The following SETD2 variants were observed in gnomAD, a reference collection of about 807,000 sequenced individuals.
SETD2 encodes SET domain containing 2, histone lysine methyltransferase.
In SETD2, 31 loss-of-function variants were observed where a neutral mutation model predicts 242.1. That is an observed-to-expected ratio of 0.13 (90% CI 0.10 to 0.17). The LOEUF (loss-of-function observed/expected upper bound fraction) is 0.17. Among genes scored for constraint, SETD2 ranks in the 10% least tolerant of loss-of-function variants. SETD2 has a pLI of 1.00. For synonymous variants in SETD2, 1,006 were observed against 1,066.5 expected (o/e 0.94, Z 1.11); for missense variants, 2,481 against 3,046.3 (o/e 0.81, Z 4.37).
In SETD2 at chr3:47,122,572, AGTGCAAAAT is replaced by A; in HGVS notation, c.2055_2063del (p.Phe686_Thr688del). Reference sequence around the variant, plus strand: ...TCATTAAAACAGCATCAGTTTTAGAAGTGCAAAATGTTGCCAAATCAGATTCTGCCCCAG... The same window carrying A: ...TCATTAAAACAGCATCAGTTTTAGAAGTTGCCAAATCAGATTCTGCCCCAG... On this transcript the variant is annotated inframe_deletion, in exon 3 of 21. Coordinates refer to ENST00000409792, the MANE Select transcript of SETD2 (RefSeq NM_014159.7). 1.2e-6 allele frequency: 2 copies of A among 1,614,170 alleles called. No individual in the cohort carries two copies. Among genetic ancestry groups the A allele is most frequent in the Non-Finnish European group, 1.7e-6 (2 of 1,180,012 alleles).
chr3:47,157,014 T>C (rs1159453939), intron 1 of SETD2, among the ~76,000 whole-genome samples: 3 of 151,664 alleles, frequency 2.0e-5, no homozygotes, highest in African/African-American at 7.3e-5. Flanking sequence ...ACGACTATAA[T>C]CCCAGCACTT....
Position 47,017,392 on chromosome 3 carries a change from G to T in SETD2, c.7534-138C>A. ...ACAGGAAGTTAATAAGGGGGTAGAT[G>T]TTGGGGCAGGCTGGTGCTATGATCA... On this transcript the variant is annotated intron_variant, in intron 20 of 20. Coordinates refer to ENST00000409792, the MANE Select transcript of SETD2 (RefSeq NM_014159.7). The surrounding 1 kb of genome is among the most constrained non-coding windows in gnomAD (Gnocchi z 4.8). 2.2e-6 allele frequency: 2 copies of T among 921,066 alleles called. No individual in the cohort carries two copies. Among genetic ancestry groups the T allele is most frequent in the Middle Eastern group, 2.8e-4 (1 of 3,624 alleles). 57.1% of individuals were successfully genotyped at this position (921,066 alleles called of 1,614,324 possible).
chr3:47,151,428 G>A (rs1282640523), intron 1 of SETD2, among the ~76,000 whole-genome samples: 1 of 152,076 alleles, frequency 6.6e-6, no homozygotes, highest in Admixed American at 6.6e-5. Context: ...AAAGCACACA[G>A]CTAACAAAAA....
intron 15 of SETD2, 56 bp downstream of exon 15, chr3:47,056,765 C>A: frequency 7.0e-7 from 1 of 1,430,658 alleles, no homozygotes; most frequent in Non-Finnish European, 9.7e-7. Flanking sequence ...CCAGATTTAA[C>A]TAACATCCCA....
intron 18 of SETD2, among the ~76,000 whole-genome samples, chr3:47,023,636 G>A (rs1164487285): frequency 1.3e-5 from 2 of 151,916 alleles, no homozygotes; most frequent in African/African-American, 2.4e-5. Context: ...TGCATCTGTA[G>A]GCCAGCCATG....
rs535446525 is a variant in SETD2, at chr3:47,057,238, A to G, written c.6546T>C (p.Pro2182=). 6.2e-7 allele frequency: 1 copy of G among 1,614,228 alleles called. No homozygotes were observed. The highest frequency in any genetic ancestry group is 1.7e-5 in the Admixed American group (1 of 60,022). ...TGGGCAGGAGCACCTTTCCAGCATT[A>G]GGGTTGCTGGGATCCACATAGGCCT... ...PMQAYVDPSN[P]NAGKVLLPTP... The change falls in exon 15 of 21, where the codon CCT becomes CCC. Residue 2182 remains proline (P), a synonymous_variant. Coordinates refer to ENST00000409792, the MANE Select transcript of SETD2 (RefSeq NM_014159.7).
intron 18 of SETD2, among the ~76,000 whole-genome samples, chr3:47,032,394 G>A (rs2038810576): frequency 6.6e-6 from 1 of 152,020 alleles, no homozygotes; most frequent in Non-Finnish European, 1.5e-5. Context: ...TAAGACGGGA[G>A]GATCATCTGA....
intron 1 of SETD2, among the ~76,000 whole-genome samples, chr3:47,148,146 T>G (rs2043905184): frequency 6.8e-6 from 1 of 147,478 alleles, no homozygotes; most frequent in Admixed American, 6.8e-5. Context: ...TGTTGTTGTT[T>G]TTGATAAAGC....
chr3:47,133,149 G>C lies in SETD2; in HGVS notation c.72-6486C>G, dbSNP rs560825019. On this transcript the variant is annotated intron_variant, in intron 1 of 20. Coordinates refer to ENST00000409792, the MANE Select transcript of SETD2 (RefSeq NM_014159.7). ...AAACAAAGAATGACAAAACAAATGT[G>C]GTAAAATGTTCTTATCTCGGGAATC... is the stretch of plus-strand genomic sequence containing the variant. Among the ~76,000 whole-genome samples, 107 of 152,060 alleles carry C rather than the reference G, an allele frequency of 7.0e-4. 1 individual carries two copies. The South Asian group carries it at 0.022, about 31-fold the overall frequency.
chr3:47,098,263 TATTC>T (rs2042081509), intron 8 of SETD2, 182 bp from the exon 9 acceptor site: 1 of 428,480 alleles, frequency 2.3e-6, no homozygotes, highest in Non-Finnish European at 4.0e-6. Context: ...TCTTTAAAAA[TATTC>T]ATTATTTTTC....
intron 7 of SETD2, among the ~76,000 whole-genome samples, chr3:47,102,170 G>A (rs1213771824): frequency 6.6e-6 from 1 of 152,184 alleles, no homozygotes; most frequent in Non-Finnish European, 1.5e-5. Context: ...GTCAAGGACT[G>A]AGGAGCTCTG....
chr3:47,062,369 TTG>T (rs370020983), intron 13 of SETD2, 23 bp from the exon 14 acceptor site: 107 of 1,487,566 alleles, frequency 7.2e-5, no homozygotes, highest in South Asian at 1.4e-4. Context: ...GGTGGTTTGT[TTG>T]TTTTTTTTTT....
chr3:47,150,027 A>ATTTTTTT (rs1559767452), intron 1 of SETD2, among the ~76,000 whole-genome samples: 23 of 68,916 alleles, frequency 3.3e-4, no homozygotes, highest in East Asian at 1.8e-3. Flanking sequence ...ATCCAAAAAT[A>ATTTTTTT]CTTTTTTTTT....
chr3:47,123,661 T>A lies in SETD2; in HGVS notation c.975A>T (p.Glu325Asp), dbSNP rs2043201099. The A allele has an allele frequency of 6.5e-7, 1 of 1,550,350 alleles. No individual in the cohort carries two copies. The highest frequency in any genetic ancestry group is 8.7e-7 in the Non-Finnish European group (1 of 1,146,710). ...GACTTGAAGAAGTCCGTACAGAATC[T>A]TCATCAGATTCTGAACCAAGAAAGA... is the stretch of plus-strand genomic sequence containing the variant. Reference protein sequence around the residue: ...EGIFLGSESDEDSVRTSSSQR... With the variant: ...EGIFLGSESDDDSVRTSSSQR... The change falls in exon 3 of 21, where the codon GAA (glutamate) becomes GAT (aspartate). Residue 325 changes from glutamate (E) to aspartate (D), a missense_variant. Glu to Asp is a conservative substitution (Grantham distance 45). Transcript: ENST00000409792.
intron 1 of SETD2, among the ~76,000 whole-genome samples, chr3:47,130,883 G>A (rs991042329): frequency 2.0e-5 from 3 of 152,004 alleles, no homozygotes; most frequent in Admixed American, 1.3e-4. Context: ...ATATCAACAC[G>A]AAGATAAATC....
intron 19 of SETD2, 22 bp downstream of exon 19, chr3:47,019,738 G>C (rs747927734): frequency 1.3e-6 from 2 of 1,592,482 alleles, no homozygotes; most frequent in African/African-American, 1.3e-5. Context: ...GGAGCTTAGT[G>C]CTTATATCCA....
At chr3:47,061,644 T>C (rs1364636006) in intron 14 of SETD2, among the ~76,000 whole-genome samples, 2 of 152,146 alleles carry the variant, frequency 1.3e-5, no homozygotes, top group African/African-American at 4.8e-5. Context: ...AAATGCTTTA[T>C]CTCAATTTTT....
At chr3:47,145,569 C>A in intron 1 of SETD2, 1 of 407,464 alleles carries the variant, frequency 2.5e-6, no homozygotes, top group South Asian at 1.8e-5. Context: ...TGTGTTTTGA[C>A]TGCAGCCCCT....
At chr3:47,096,698 GATCAC>G (rs1360326733) in intron 9 of SETD2, among the ~76,000 whole-genome samples, 3 of 151,964 alleles carry the variant, frequency 2.0e-5, no homozygotes, top group Non-Finnish European at 4.4e-5. Flanking sequence ...AGTGAGCTGT[GATCAC>G]TCTACTGTAC....
Sources: gnomAD v4.1 joint callset for allele counts (sites outside exome capture counted in the v4.1 genomes callset) on GRCh38, gnomAD v4.1.1 for gene constraint, Gnocchi (gnomAD v3.1) non-coding constraint, MANE v1.5 for transcripts, NCBI Gene and HGNC (gene_info 2026-07-23, HGNC 2026-07-21) for gene names.